Variants in PTCHD4 observed in about 807,000 individuals in gnomAD.
PTCHD4 encodes the protein patched domain containing 4, also known as patched domain-containing protein 4.
PTCHD4 carries 33 observed loss-of-function variants against 58.1 expected under a neutral mutation model. The ratio of observed to expected loss-of-function variants is 0.57; its 90% CI spans 0.43 to 0.76. PTCHD4 has a LOEUF of 0.76. PTCHD4 is among the 30% of genes least tolerant of loss of function. The pLI is 0.00. For synonymous variants in PTCHD4, 478 were observed against 409.6 expected, an observed-to-expected ratio of 1.17 and a Z score of -2.02; for missense variants, 1,058 against 1,027.1, an observed-to-expected ratio of 1.03 and a Z score of -0.41.
At chr6:48,100,523 A>G (rs1221362589) in intron 1 of PTCHD4, among the ~76,000 whole-genome samples, 1 of 152,196 alleles carries the variant, frequency 6.6e-6, no homozygotes, top group African/African-American at 2.4e-5. Context: ...TGTTTTACTG[A>G]GGAAAAAATG....
chr6:48,035,491 G>A (rs2114141128), intron 3 of PTCHD4, among the ~76,000 whole-genome samples: 1 of 152,140 alleles, frequency 6.6e-6, no homozygotes, highest in Middle Eastern at 3.4e-3. Context: ...AAGGGGATAG[G>A]GCCTACCAAT....
chr6:48,098,348 T>TCTTCTTCTTCTTCTTCTTC (rs1765521724), intron 1 of PTCHD4, among the ~76,000 whole-genome samples: 1 of 110,326 alleles, frequency 9.1e-6, no homozygotes, highest in African/African-American at 3.7e-5. Context: ...TCTTCTTTTT[T>TCTTCTTCTTCTTCTTCTTC]TTTTTTTTGA....
intron 3 of PTCHD4, among the ~76,000 whole-genome samples, chr6:48,062,937 T>C (rs1360734157): frequency 2.0e-5 from 3 of 152,166 alleles, no homozygotes; most frequent in Non-Finnish European, 4.4e-5. Context: ...GACGCCTACA[T>C]TGGTGACGAG....
intron 1 of PTCHD4, among the ~76,000 whole-genome samples, chr6:48,099,276 G>A (rs1040705443): frequency 9.2e-5 from 14 of 152,290 alleles, no homozygotes; most frequent in Admixed American, 2.0e-4. Context: ...AGTTGCTAGC[G>A]TGCTGGACAG....
intron 4 of PTCHD4, among the ~76,000 whole-genome samples, chr6:47,968,194 A>C (rs1296506139): frequency 6.6e-6 from 1 of 152,068 alleles, no homozygotes; most frequent in African/African-American, 2.4e-5. Flanking sequence ...GTATGTCAGG[A>C]ATATGGAGAA....
rs1561933586 is a variant in PTCHD4 at position 47,877,136 on chromosome 6, A to T, written c.*1167T>A. Among the ~76,000 whole-genome samples, 1 of 152,058 alleles carries T rather than the reference A, an allele frequency of 6.6e-6. No individual in the cohort carries two copies. The highest frequency in any genetic ancestry group is 1.5e-5 in the Non-Finnish European group (1 of 67,978). On this transcript the variant is annotated 3_prime_UTR_variant, in exon 5 of 5. Coordinates refer to ENST00000339488, the MANE Select transcript of PTCHD4 (RefSeq NM_001384253.1). ...GTTTCCTTATGCTAAGAACTAGTAGATGGCATGTGATGAGTGGGTATGGTC... is the reference window on the plus strand; with the variant it reads ...GTTTCCTTATGCTAAGAACTAGTAGTTGGCATGTGATGAGTGGGTATGGTC...
At chr6:47,981,148 AT>A (rs1296335923) in intron 4 of PTCHD4, among the ~76,000 whole-genome samples, 4 of 151,878 alleles carry the variant, frequency 2.6e-5, no homozygotes, top group Admixed American at 6.6e-5. Context: ...CCATATTTCT[AT>A]TTTTTCTTCA....
At chr6:47,927,995 G>A (rs1448564741) in intron 4 of PTCHD4, among the ~76,000 whole-genome samples, 3 of 151,944 alleles carry the variant, frequency 2.0e-5, no homozygotes, top group Admixed American at 6.6e-5. Context: ...TTGATAGATT[G>A]CATCATTGTC....
chr6:48,027,497 T>C (rs1438178051), intron 3 of PTCHD4, among the ~76,000 whole-genome samples: 1 of 152,144 alleles, frequency 6.6e-6, no homozygotes, highest in Non-Finnish European at 1.5e-5. Flanking sequence ...TGTAAAGTTA[T>C]AATATGTCTA....
chr6:48,071,358 G>A (rs1208668699), intron 1 of PTCHD4, among the ~76,000 whole-genome samples: 1 of 152,084 alleles, frequency 6.6e-6, no homozygotes, highest in Non-Finnish European at 1.5e-5. Context: ...GAATTATAAT[G>A]GCATGGAAAT....
chr6:47,864,315 T>TATATACAC lies in PTCHD4; in HGVS notation c.*13987_*13988insGTGTATAT, dbSNP rs142961548. On this transcript the variant is annotated 3_prime_UTR_variant, in exon 5 of 5. Transcript: ENST00000339488. Reference sequence around the variant, plus strand: ...GCCCATTATTTTTGAGATATATATATACACACACACACACATATATATATA... The same window carrying TATATACAC: ...GCCCATTATTTTTGAGATATATATATATATACACACACACACACACACATATATATATA... Among the ~76,000 whole-genome samples the TATATACAC allele has an allele frequency of 6.5e-3, 972 of 148,884 alleles. 9 individuals carry two copies. The highest frequency in any genetic ancestry group is 0.013 in the African/African-American group (544 of 40,738).
rs4715047 is a variant in PTCHD4 at position 47,874,217 on chromosome 6, G to T, written c.*4086C>A. The stretch of plus-strand genomic sequence containing the variant: ...GAAGTCCATTCTAGAAGAGGTGGTT[G>T]TTACTGATACCCAGGGAAGGCAATT... On this transcript the variant is annotated 3_prime_UTR_variant, in exon 5 of 5. Transcript: ENST00000339488. 0.52 allele frequency among the ~76,000 whole-genome samples: 78,053 copies of T among 151,426 alleles called. 20,708 individuals carry two copies. Among genetic ancestry groups the T allele is most frequent in the East Asian group, 0.75 (3,826 of 5,114 alleles).
chr6:47,978,927 TTTGTTATGAATATTCTATTCATTC>T (rs1455968485), intron 4 of PTCHD4, among the ~76,000 whole-genome samples: 3 of 152,276 alleles, frequency 2.0e-5, no homozygotes, highest in Admixed American at 6.5e-5. Flanking sequence ...TCTATTCATT[TTTGTTATGAATATTCTATTCATTC>T]TTGTTATGAA....
chr6:47,944,662 T>C (rs938318550), intron 4 of PTCHD4, among the ~76,000 whole-genome samples: 12 of 152,220 alleles, frequency 7.9e-5, no homozygotes, highest in Admixed American at 2.0e-4. Context: ...CAAATGGGAA[T>C]AGTCATCATG....
chr6:47,978,039 T>C (rs889012631), intron 4 of PTCHD4, among the ~76,000 whole-genome samples: 1 of 152,164 alleles, frequency 6.6e-6, no homozygotes, highest in African/African-American at 2.4e-5. Context: ...AACTTATTGA[T>C]AGAAATAGAA....
intron 4 of PTCHD4, among the ~76,000 whole-genome samples, chr6:47,966,190 T>C (rs1343254463): frequency 2.0e-5 from 3 of 152,320 alleles, no homozygotes; most frequent in Admixed American, 1.3e-4. Flanking sequence ...TTTGATTATA[T>C]AGCAGGTTCA....
At chr6:48,109,857 T>G (rs1207246918) in intron 1 of PTCHD4, among the ~76,000 whole-genome samples, 1 of 151,654 alleles carries the variant, frequency 6.6e-6, no homozygotes, top group African/African-American at 2.4e-5. Flanking sequence ...ATCAGGGAAA[T>G]AAAAATCAAA....
At chr6:47,961,070 C>T (rs1394057760) in intron 4 of PTCHD4, among the ~76,000 whole-genome samples, 5 of 150,606 alleles carry the variant, frequency 3.3e-5, no homozygotes, top group East Asian at 1.9e-4. Context: ...GAGCACTTAC[C>T]GCAACATATC....
chr6:47,893,926 C>T (rs1240178279), intron 4 of PTCHD4, among the ~76,000 whole-genome samples: 2 of 152,180 alleles, frequency 1.3e-5, no homozygotes, highest in African/African-American at 4.8e-5. Flanking sequence ...TGAGGCATTC[C>T]TTATATGTAT....
Sources: gnomAD v4.1 joint callset for allele counts (sites outside exome capture counted in the v4.1 genomes callset) on GRCh38, gnomAD v4.1.1 for gene constraint, MANE v1.5 for transcripts, NCBI Gene and HGNC (gene_info 2026-07-23, HGNC 2026-07-21) for gene names.